Variants in PHF24 observed in about 807,000 individuals in gnomAD.
PHF24 encodes the protein Galpha inhibitory interacting protein.
Under a neutral mutation model 42.6 loss-of-function variants are expected in PHF24, and 25 were observed. The observed-to-expected ratio is 0.59, with a 90% CI of 0.43 to 0.82. The LOEUF (loss-of-function observed/expected upper bound fraction) is 0.82, where lower values mean the gene tolerates loss of function less well. Ranked by LOEUF, PHF24 falls within the 40% of genes least tolerant of loss-of-function variation. The probability of loss-of-function intolerance (pLI) is 0.00; values close to 1 mark genes in which losing one functional copy is unlikely to be tolerated. For missense variants in PHF24, 470 were observed against 538.1 expected, an observed-to-expected ratio of 0.87 and a Z score of 1.25; for synonymous variants, 185 against 204.8, an observed-to-expected ratio of 0.90 and a Z score of 0.83.
At chr9:34,883,419 GA>G in the PHF24 span, among the ~76,000 whole-genome samples, 16 of 152,274 alleles carry the variant, frequency 1.1e-4, no homozygotes, top group African/African-American at 3.8e-4. Context: ...CCATCAGAGT[GA>G]ACAGGCAACC....
the PHF24 span, among the ~76,000 whole-genome samples, chr9:34,885,695 T>G: frequency 1.3e-5 from 2 of 152,138 alleles, no homozygotes; most frequent in East Asian, 3.9e-4. Flanking sequence ...CTGCCCTGTT[T>G]CTCCATCTCC....
the PHF24 span, chr9:34,709,250 AAGC>A: frequency 2.0e-6 from 2 of 1,013,692 alleles, no homozygotes; most frequent in African/African-American, 3.2e-5. Flanking sequence ...GGGGTGGTTA[AAGC>A]AGGAGAAAGA....
chr9:34,826,957 G>T, the PHF24 span, among the ~76,000 whole-genome samples: 2 of 152,178 alleles, frequency 1.3e-5, no homozygotes, highest in Non-Finnish European at 2.9e-5. Context: ...TCCACCATCA[G>T]CATTCCACAT....
the PHF24 span, among the ~76,000 whole-genome samples, chr9:34,696,759 C>T: frequency 1.3e-5 from 2 of 152,172 alleles, no homozygotes; most frequent in Non-Finnish European, 2.9e-5. Flanking sequence ...CCTGAATCTT[C>T]CTTGGTGGCA....
At chr9:34,815,862 T>C in the PHF24 span, among the ~76,000 whole-genome samples, 2 of 152,184 alleles carry the variant, frequency 1.3e-5, no homozygotes, top group Admixed American at 1.3e-4. Context: ...CTGATGAATA[T>C]AGCAGTCTCA....
chr9:34,746,838 T>G, the PHF24 span, among the ~76,000 whole-genome samples: 1,886 of 152,288 alleles, frequency 0.012, 23 homozygotes, highest in Admixed American at 0.028. Flanking sequence ...AGATTTTGGG[T>G]GTGGGCCCAT....
At chr9:34,860,687 A>AGTGTGT in the PHF24 span, among the ~76,000 whole-genome samples, 2,352 of 150,034 alleles carry the variant, frequency 0.016, 62 homozygotes, top group South Asian at 0.11. Context: ...GACCTTTAAA[A>AGTGTGT]GTGTGTGTGT....
At chr9:34,686,126 A>G in the PHF24 span, among the ~76,000 whole-genome samples, 1 of 152,238 alleles carries the variant, frequency 6.6e-6, no homozygotes, top group Admixed American at 6.5e-5. Flanking sequence ...ACAAAGTCTC[A>G]GGGATCACCT....
At chr9:34,829,944 A>T in the PHF24 span, among the ~76,000 whole-genome samples, 1,443 of 152,332 alleles carry the variant, frequency 9.5e-3, 14 homozygotes, top group Middle Eastern at 0.017. Context: ...TGTCTCTGTA[A>T]CAAGATAGAG....
the PHF24 span, chr9:34,832,519 C>A: frequency 6.6e-7 from 1 of 1,521,082 alleles, no homozygotes; most frequent in Non-Finnish European, 8.8e-7. Context: ...TTACTTCTCC[C>A]CACAGGGCTC....
chr9:34,690,129 T>C, the PHF24 span: 1 of 1,591,182 alleles, frequency 6.3e-7, no homozygotes, highest in African/African-American at 1.3e-5. Flanking sequence ...GGGCTTGGCA[T>C]GGAGAAGGGG....
the PHF24 span, among the ~76,000 whole-genome samples, chr9:34,800,107 A>G: frequency 6.6e-6 from 1 of 152,180 alleles, no homozygotes. Flanking sequence ...CAGTAACACA[A>G]TTACACTTGT....
At chr9:34,941,048 G>A in the PHF24 span, among the ~76,000 whole-genome samples, 1 of 152,142 alleles carries the variant, frequency 6.6e-6, no homozygotes, top group South Asian at 2.1e-4. Context: ...GCTCAGAGTT[G>A]CATGGATATG....
the PHF24 span, among the ~76,000 whole-genome samples, chr9:34,858,449 G>A: frequency 1.3e-5 from 2 of 152,146 alleles, no homozygotes; most frequent in Non-Finnish European, 2.9e-5. Flanking sequence ...CTCAATGCTG[G>A]GGTGAGTAGG....
the PHF24 span, chr9:34,838,734 A>G: frequency 1.2e-5 from 4 of 328,510 alleles, no homozygotes; most frequent in African/African-American, 8.3e-5. Context: ...TGCCACAAGC[A>G]GTGTCTATTT....
At chr9:34,925,899 G>A in the PHF24 span, among the ~76,000 whole-genome samples, 16 of 152,286 alleles carry the variant, frequency 1.1e-4, no homozygotes, top group South Asian at 3.1e-3. Flanking sequence ...GCCTTTGGTG[G>A]AAAAATCACC....
the PHF24 span, among the ~76,000 whole-genome samples, chr9:34,840,256 ATC>A: frequency 3.9e-5 from 6 of 152,252 alleles, no homozygotes; most frequent in South Asian, 1.2e-3. Context: ...CTTGTCTCTC[ATC>A]TCTCATTTTT....
chr9:34,932,984 CT>C, the PHF24 span, among the ~76,000 whole-genome samples: 49,959 of 121,178 alleles, frequency 0.41, 9,721 homozygotes, highest in East Asian at 0.62. Context: ...AGCAGGAACT[CT>C]TTTTTTTTTT....
chr9:34,755,379 C>T, the PHF24 span, among the ~76,000 whole-genome samples: 4 of 152,024 alleles, frequency 2.6e-5, no homozygotes, highest in African/African-American at 9.7e-5. Context: ...TCCCTTTTCT[C>T]TGCATCCTCA....
Sources: allele counts gnomAD v4.1 joint callset (sites outside exome capture counted in the v4.1 genomes callset), GRCh38; gene constraint gnomAD v4.1.1; transcripts MANE v1.5; gene names NCBI Gene and HGNC (gene_info 2026-07-23, HGNC 2026-07-21).